GRIK2: variants seen among roughly 807,000 people sequenced by gnomAD.
GRIK2 encodes the protein glutamate ionotropic receptor kainate type subunit 2.
A neutral mutation model predicts 100.3 loss-of-function variants in GRIK2; 32 were observed. The observed-to-expected ratio is 0.32, with a 90% CI of 0.24 to 0.43. The LOEUF is 0.43. Ranked by LOEUF, GRIK2 falls within the 20% of genes least tolerant of loss-of-function variation. GRIK2 has a pLI of 1.00. For missense variants in GRIK2, 843 were observed against 1,114.9 expected (o/e 0.76, Z 3.47); for synonymous variants, 417 against 389.4 (o/e 1.07, Z -0.83).
rs746971077 is a variant in GRIK2 at position 102,004,143 on chromosome 6, TTTTA to T, written c.2086-31190_2086-31187del. ...TATTTGTTCATACTCCGTTTTTGAG[TTTTA>T]TTTATTTGATTATATTTGTATGCTT... On this transcript the variant is annotated intron_variant, in intron 14 of 16. Coordinates refer to ENST00000369134, the MANE Select transcript of GRIK2 (RefSeq NM_021956.5). 9.2e-5 allele frequency among the ~76,000 whole-genome samples: 14 copies of T among 151,622 alleles called. No homozygotes were observed. In the East Asian group the frequency reaches 9.7e-4, roughly 10 times the overall value.
chr6:101,836,607 C>T (rs1479810582), intron 10 of GRIK2, among the ~76,000 whole-genome samples: 2 of 113,376 alleles, frequency 1.8e-5, no homozygotes, highest in East Asian at 4.6e-4. Flanking sequence ...GGGCTTGTTG[C>T]TATATATATA....
intron 2 of GRIK2, among the ~76,000 whole-genome samples, chr6:101,493,632 A>G (rs558239191): frequency 1.3e-5 from 2 of 152,088 alleles, no homozygotes; most frequent in Admixed American, 1.3e-4. Context: ...GGAGGAAAAA[A>G]GAGCCTTCAA....
intron 12 of GRIK2, among the ~76,000 whole-genome samples, chr6:101,915,887 T>C (rs536956528): frequency 6.6e-6 from 1 of 151,478 alleles, no homozygotes; most frequent in Non-Finnish European, 1.5e-5. Flanking sequence ...TCTTCAAATA[T>C]GTTTAGTTAA....
intron 7 of GRIK2, among the ~76,000 whole-genome samples, chr6:101,704,000 T>C (rs1303850602): frequency 6.6e-6 from 1 of 151,662 alleles, no homozygotes; most frequent in Non-Finnish European, 1.5e-5. Context: ...TTTAGAAGGT[T>C]TAAGAAGGGG....
intron 1 of GRIK2, chr6:101,398,749 A>T (rs1775118653): frequency 2.9e-6 from 1 of 348,720 alleles, no homozygotes; most frequent in African/African-American, 2.1e-5. Context: ...TCGGTTGCAT[A>T]ATAGATATTG....
chr6:101,927,911 TTTA>T (rs772146188), intron 13 of GRIK2: 106 of 156,032 alleles, frequency 6.8e-4, no homozygotes, highest in Non-Finnish European at 1.3e-3. Flanking sequence ...TAGTAGTTAT[TTTA>T]TTATTATACG....
intron 4 of GRIK2, among the ~76,000 whole-genome samples, chr6:101,654,634 T>A (rs1781970272): frequency 6.6e-6 from 1 of 152,180 alleles, no homozygotes; most frequent in Non-Finnish European, 1.5e-5. Flanking sequence ...TGGGAAGAAG[T>A]ATTACTGTAC....
chr6:101,968,548 T>C (rs914522481), intron 14 of GRIK2, among the ~76,000 whole-genome samples: 2 of 151,996 alleles, frequency 1.3e-5, no homozygotes, highest in Admixed American at 6.6e-5. Context: ...GCAGGTAATA[T>C]CCAGCACTCT....
chr6:101,712,721 A>G (rs779627665), intron 7 of GRIK2, among the ~76,000 whole-genome samples: 1 of 151,814 alleles, frequency 6.6e-6, no homozygotes, highest in Admixed American at 6.6e-5. Flanking sequence ...AGCATTCTCA[A>G]ATGCATCCAG....
At chr6:101,430,440 T>G (rs1008163221) in intron 2 of GRIK2, 2 of 214,896 alleles carry the variant, frequency 9.3e-6, no homozygotes, top group African/African-American at 4.6e-5. Flanking sequence ...TGCTGGAAGG[T>G]GGAAAGGGAG....
chr6:101,414,889 C>T (rs1776048519), intron 2 of GRIK2, among the ~76,000 whole-genome samples: 1 of 151,940 alleles, frequency 6.6e-6, no homozygotes, highest in Non-Finnish European at 1.5e-5. Context: ...TAGTCTCTGC[C>T]ACAAGCATCT....
chr6:101,984,305 C>A (rs1404058157), intron 14 of GRIK2, among the ~76,000 whole-genome samples: 1 of 151,492 alleles, frequency 6.6e-6, no homozygotes, highest in Non-Finnish European at 1.5e-5. Context: ...GTAGAAAGGT[C>A]AATGGGAAAT....
chr6:101,571,422 T>G (rs1777525901), intron 2 of GRIK2, among the ~76,000 whole-genome samples: 1 of 152,188 alleles, frequency 6.6e-6, no homozygotes, highest in Admixed American at 6.6e-5. Flanking sequence ...ATCTTTTCAC[T>G]GATGAGTTTG....
At chr6:101,499,504 G>A (rs1444940298) in intron 2 of GRIK2, among the ~76,000 whole-genome samples, 7 of 152,182 alleles carry the variant, frequency 4.6e-5, no homozygotes, top group African/African-American at 1.7e-4. Context: ...TGATATTTAA[G>A]TACTTTTTAA....
intron 2 of GRIK2, among the ~76,000 whole-genome samples, chr6:101,451,739 A>T (rs1770705387): frequency 6.6e-6 from 1 of 151,266 alleles, no homozygotes; most frequent in African/African-American, 2.4e-5. Context: ...GTTTTTTAAG[A>T]AAGGTGAAAT....
chr6:101,829,644 A>G (rs938650526), intron 10 of GRIK2, among the ~76,000 whole-genome samples: 10 of 152,086 alleles, frequency 6.6e-5, no homozygotes, highest in African/African-American at 1.7e-4. Flanking sequence ...CCCATTTACA[A>G]TAGCCATAAA....
chr6:101,793,122 A>C (rs891203513), intron 7 of GRIK2, among the ~76,000 whole-genome samples: 1 of 152,082 alleles, frequency 6.6e-6, no homozygotes, highest in African/African-American at 2.4e-5. Context: ...AATTTTTTTC[A>C]AAGTTTTCAA....
At chr6:101,454,673 T>A (rs1330095581) in intron 2 of GRIK2, among the ~76,000 whole-genome samples, 1 of 152,132 alleles carries the variant, frequency 6.6e-6, no homozygotes, top group Non-Finnish European at 1.5e-5. Flanking sequence ...TTTACTGAAT[T>A]CTGCTCTATA....
At chr6:102,013,750 T>C (rs62423080) in intron 14 of GRIK2, among the ~76,000 whole-genome samples, 2 of 152,170 alleles carry the variant, frequency 1.3e-5, no homozygotes, top group Non-Finnish European at 2.9e-5. Flanking sequence ...TTGTGTATGC[T>C]GAACCAACCT....
Sources: gnomAD v4.1 joint callset for allele counts (sites outside exome capture counted in the v4.1 genomes callset) on GRCh38, gnomAD v4.1.1 for gene constraint, MANE v1.5 for transcripts, NCBI Gene and HGNC (gene_info 2026-07-23, HGNC 2026-07-21) for gene names.